REN: variants seen among roughly 807,000 people sequenced by gnomAD.
The protein encoded by REN is renin.
Under a neutral mutation model 48.6 loss-of-function variants are expected in REN, and 42 were observed. The observed-to-expected ratio is 0.86, with a 90% CI of 0.68 to 1.12. REN has a LOEUF of 1.12. Ranked by LOEUF, REN falls within the 50% of genes most tolerant of loss-of-function variation. The pLI is 0.00. For synonymous variants in REN, 196 were observed against 204.6 expected, an observed-to-expected ratio of 0.96 and a Z score of 0.36; for missense variants, 443 against 527.3, an observed-to-expected ratio of 0.84 and a Z score of 1.57.
Position 204,159,608 on chromosome 1 carries a change from G to C in REN, c.493-13C>G, listed in dbSNP as rs1394764958. On this transcript the variant is annotated splice_polypyrimidine_tract_variant and intron_variant, in intron 4 of 9. Transcript: ENST00000272190. Reference sequence around the variant, plus strand: ...TGATTCCACCCACCTGTGGGAGGAAGGACCAGAGGAGACCAAGCCCACTGC... The same window carrying C: ...TGATTCCACCCACCTGTGGGAGGAACGACCAGAGGAGACCAAGCCCACTGC... 5.6e-6 allele frequency: 9 copies of C among 1,613,506 alleles called. No individual in the cohort carries two copies. Among genetic ancestry groups the C allele is most frequent in the African/African-American group, 1.3e-5 (1 of 74,916 alleles).
intron 6 of REN, 104 bp downstream of exon 6, chr1:204,157,256 TG>T: frequency 6.8e-7 from 1 of 1,466,972 alleles, no homozygotes; most frequent in Non-Finnish European, 9.6e-7. Flanking sequence ...TAGCGGAGGC[TG>T]GGCTTGCTGA....
intron 1 of REN, among the ~76,000 whole-genome samples, chr1:204,164,607 A>G (rs1658312223): frequency 8.5e-6 from 1 of 117,412 alleles, no homozygotes; most frequent in Non-Finnish European, 1.6e-5. Context: ...GTCTGGCTCT[A>G]TCACCCAGGC....
At chr1:204,159,263 T>C in intron 5 of REN, 136 bp downstream of exon 5, 1 of 770,216 alleles carries the variant, frequency 1.3e-6, no homozygotes. Flanking sequence ...CCATATTGGC[T>C]AGTACAGCTC....
intron 1 of REN, among the ~76,000 whole-genome samples, chr1:204,165,416 T>TTAAAATGATAA (rs1358075048): frequency 6.6e-6 from 1 of 152,232 alleles, no homozygotes; most frequent in African/African-American, 2.4e-5. Context: ...TCATACCTGT[T>TTAAAATGATAA]TAAAATGATA....
In REN at chr1:204,156,768, C is replaced by A; in HGVS notation, c.727G>T (p.Val243Leu). Residue 243 changes from valine to leucine, a missense_variant, in exon 7 of 10, where the codon GTG becomes TTG. Physicochemically the swap from Val to Leu is conservative, Grantham distance 32 (BLOSUM62 1). Transcript: ENST00000272190. The surrounding 1 kb of genome is among the most constrained non-coding windows in gnomAD (Gnocchi z 4.2). ...TGCTGGGGGTCGCTGCCTCCCAGCA[C>A]AATCTGTCCTCCCAGCGATTGGGAA... ...ENSQSLGGQI[V>L]LGGSDPQHYE... is the part of the protein sequence containing the mutation. 1.9e-6 allele frequency: 3 copies of A among 1,614,076 alleles called. No homozygotes were observed. Among genetic ancestry groups the A allele is most frequent in the Non-Finnish European group, 2.5e-6 (3 of 1,180,024 alleles).
At position 204,155,050 on chromosome 1, in the gene REN, C is replaced by G. The variant is rs769746703; in HGVS notation, c.1187G>C (p.Arg396Pro). The G allele has an allele frequency of 1.2e-6, 2 of 1,614,210 alleles. No individual in the cohort carries two copies. Among genetic ancestry groups the G allele is most frequent in the East Asian group, 2.2e-5 (1 of 44,892 alleles). The part of the protein sequence containing the change: ...IRKFYTEFDR[R>P]NNRIGFALAR ...CAAGGCGAAGCCAATGCGGTTGTTA[C>G]GCCGATCAAACTCTGTGTAGAACTT... Residue 396 changes from arginine (R) to proline (P), a missense_variant, in exon 10 of 10, where the codon CGT becomes CCT. By Grantham distance (103) the Arg-to-Pro change is moderately radical (BLOSUM62 -2). Transcript: ENST00000272190.
chr1:204,155,950 G>A (rs760219457), intron 8 of REN, 32 bp from the exon 9 acceptor site: 1 of 1,573,192 alleles, frequency 6.4e-7, no homozygotes, highest in South Asian at 1.1e-5. Context: ...GCCTTCTTGA[G>A]TATGGAAGAC....
At position 204,156,796 on chromosome 1, in the gene REN, C is replaced by A; in HGVS notation, c.699G>T (p.Glu233Asp). Reference sequence around the variant, plus strand: ...TCTGTCCTCCCAGCGATTGGGAATTCCTAAAGGAAAGATCAGAAGCTCTTG... The same window carrying A: ...TCTGTCCTCCCAGCGATTGGGAATTACTAAAGGAAAGATCAGAAGCTCTTG... ...VFSFYYNRDS[E>D]NSQSLGGQIV... is the part of the protein sequence containing the mutation. The change falls in exon 7 of 10, where the codon GAG becomes GAT. Residue 233 changes from glutamate (E) to aspartate (D), a missense_variant and splice_region_variant. Coordinates refer to ENST00000272190, the MANE Select transcript of REN (RefSeq NM_000537.4). This position sits in a 1 kb window ranked among gnomAD's most constrained non-coding sequence, Gnocchi z 4.2. 3 of 1,613,918 alleles carry A rather than the reference C, an allele frequency of 1.9e-6. No individual in the cohort carries two copies. Among genetic ancestry groups the A allele is most frequent in the Non-Finnish European group, 2.5e-6 (3 of 1,180,020 alleles).
intron 1 of REN, among the ~76,000 whole-genome samples, chr1:204,165,028 A>G (rs1042885933): frequency 1.4e-4 from 21 of 150,220 alleles, no homozygotes; most frequent in African/African-American, 4.4e-4. Context: ...CTGGAGTGCA[A>G]TGGCGCTATG....
At chr1:204,164,581 T>C (rs917007526) in intron 1 of REN, among the ~76,000 whole-genome samples, 1 of 146,644 alleles carries the variant, frequency 6.8e-6, no homozygotes, top group East Asian at 2.0e-4. Context: ...TTTTTTTTTT[T>C]TTTTTTTTAC....
rs1260167946 is a variant in REN, at chr1:204,156,096, C to T, written c.960+82G>A. The T allele has an allele frequency of 4.4e-6, 7 of 1,597,190 alleles. No individual in the cohort carries two copies. The South Asian group carries it at 6.6e-5, about 15-fold the overall frequency. ...GTGAACAAGCGAAGGCCTGAGATGGCCTCATTTGCCTGGGGGATTTGTGAG... is the reference window on the plus strand; with the variant it reads ...GTGAACAAGCGAAGGCCTGAGATGGTCTCATTTGCCTGGGGGATTTGTGAG... On this transcript the variant is annotated intron_variant, in intron 8 of 9. Transcript: ENST00000272190. This position sits in a 1 kb window ranked among gnomAD's most constrained non-coding sequence, Gnocchi z 4.2.
chr1:204,162,026 G>A lies in REN; in HGVS notation c.236C>T (p.Thr79Ile). ...CCAAGCACTCACGTCCATGTAGTTGGTGAGGATCACGGAGGAGGTGGTGTT... is the reference window on the plus strand; with the variant it reads ...CCAAGCACTCACGTCCATGTAGTTGATGAGGATCACGGAGGAGGTGGTGTT... ...LGNTTSSVIL[T>I]NYMDTQYYGE... Residue 79 changes from threonine (T) to isoleucine (I), a missense_variant, in exon 2 of 10, where the codon ACC (threonine) becomes ATC (isoleucine). Transcript: ENST00000272190. 1.9e-6 allele frequency: 3 copies of A among 1,614,192 alleles called. No individual in the cohort carries two copies. The highest frequency in any genetic ancestry group is 4.5e-5 in the East Asian group (2 of 44,878).
rs1658239148 is a variant in REN, at chr1:204,161,147, T to C, written c.373+145A>G. 4.2e-6 allele frequency: 4 copies of C among 950,356 alleles called. No homozygotes were observed. In the Admixed American group the frequency reaches 9.8e-5, roughly 23 times the overall value. The allele number at this position is 950,356 out of a possible 1,614,324, so 58.9% of individuals were successfully genotyped here. A position where few individuals can be genotyped will look rare whatever the true frequency, so the allele number is the denominator to read the frequency against. ...GAAAAACGGGAGACATCTTCCCCTC[T>C]CCCCTACATGTCAGTGGGCACAGAG... On this transcript the variant is annotated intron_variant, in intron 3 of 9. Coordinates refer to ENST00000272190, the MANE Select transcript of REN (RefSeq NM_000537.4).
In REN at chr1:204,156,988, C is replaced by T. The variant is rs1658162117; in HGVS notation, c.699-192G>A. Among the ~76,000 whole-genome samples, 1 of 152,168 alleles carries T rather than the reference C, an allele frequency of 6.6e-6. No homozygotes were observed. Among genetic ancestry groups the T allele is most frequent in the African/African-American group, 2.4e-5 (1 of 41,428 alleles). Reference sequence around the variant, plus strand: ...ACATACTGCTTCTCTGCCTTTCTTCCCCTCCCCAAGACCAACCAGAGGTTG... The same window carrying T: ...ACATACTGCTTCTCTGCCTTTCTTCTCCTCCCCAAGACCAACCAGAGGTTG... On this transcript the variant is annotated intron_variant, in intron 6 of 9. Transcript: ENST00000272190. This position sits in a 1 kb window ranked among gnomAD's most constrained non-coding sequence, Gnocchi z 4.2.
chr1:204,159,419 G>A lies in REN; in HGVS notation c.669C>T (p.Val223=). 1 of 1,614,078 alleles carries A rather than the reference G, an allele frequency of 6.2e-7. No homozygotes were observed. The highest frequency in any genetic ancestry group is 1.3e-5 in the African/African-American group (1 of 74,994). ...IISQGVLKED[V]FSFYYNRDSE... is the part of the protein sequence containing the mutation. ...CCCACCTGTTGTAGTAGAAAGAGAA[G>A]ACGTCCTCTTTTAGCACCCCTTGGG... The change falls in exon 5 of 10, where the codon GTC becomes GTT. Residue 223 remains valine, a synonymous_variant. Transcript: ENST00000272190.
intron 4 of REN, 107 bp downstream of exon 4, chr1:204,160,453 C>T (rs1288980264): frequency 1.6e-5 from 13 of 802,150 alleles, no homozygotes; most frequent in Non-Finnish European, 2.7e-5. Context: ...CCCCAGGCTC[C>T]AAGTGGGCTG....
chr1:204,163,710 C>T (rs1050359374), intron 1 of REN, among the ~76,000 whole-genome samples: 1 of 152,180 alleles, frequency 6.6e-6, no homozygotes, highest in Admixed American at 6.6e-5. Flanking sequence ...TCTGTTTTTC[C>T]TTGGGTCTCA....
rs1249495232 is a variant in REN, at chr1:204,155,335, C to T, written c.1060-158G>A. Among the ~76,000 whole-genome samples the T allele has an allele frequency of 2.6e-5, 4 of 152,260 alleles. No individual in the cohort carries two copies. The East Asian group carries it at 7.7e-4, about 29-fold the overall frequency. ...TCCCTCACATCATGGCCATTTTGCC[C>T]CATCGTGGACTGCACCACTCCTATG... On this transcript the variant is annotated intron_variant, in intron 9 of 9. Coordinates refer to ENST00000272190, the MANE Select transcript of REN (RefSeq NM_000537.4).
At chr1:204,159,664 T>C in intron 4 of REN, 69 bp from the exon 5 acceptor site, 2 of 1,393,964 alleles carry the variant, frequency 1.4e-6, no homozygotes, top group Non-Finnish European at 2.0e-6. Context: ...GGTCTGGGCT[T>C]CCACACTAGG....
Sources: gnomAD v4.1 joint callset for allele counts (sites outside exome capture counted in the v4.1 genomes callset) on GRCh38, gnomAD v4.1.1 for gene constraint, Gnocchi (gnomAD v3.1) non-coding constraint, MANE v1.5 for transcripts, NCBI Gene and HGNC (gene_info 2026-07-23, HGNC 2026-07-21) for gene names.